Variants in RUFY2 observed in about 807,000 individuals in gnomAD.
The protein encoded by RUFY2 is RUN and FYVE domain containing 2, also known as RUN and FYVE domain-containing protein 2.
RUFY2 carries 49 observed loss-of-function variants against 94.4 expected under a neutral mutation model. That is an observed-to-expected ratio of 0.52 (90% CI 0.41 to 0.66). The LOEUF (loss-of-function observed/expected upper bound fraction) is 0.66. RUFY2 is among the 30% of genes least tolerant of loss of function. The pLI is 0.00. For synonymous variants in RUFY2, 255 were observed against 235.7 expected (o/e 1.08, Z -0.75); for missense variants, 541 against 692.8 (o/e 0.78, Z 2.46).
chr10:68,404,470 A>G (rs1382746273), intron 2 of RUFY2, among the ~76,000 whole-genome samples: 3 of 152,246 alleles, frequency 2.0e-5, no homozygotes, highest in Non-Finnish European at 2.9e-5. Flanking sequence ...CAAAATATTA[A>G]CAATTAAGCA....
intron 16 of RUFY2, among the ~76,000 whole-genome samples, chr10:68,354,619 C>G (rs780967607): frequency 1.3e-5 from 2 of 152,198 alleles, no homozygotes; most frequent in Non-Finnish European, 2.9e-5. Flanking sequence ...ACCACTTTCA[C>G]ACACATGTAT....
At chr10:68,349,586 T>G (rs1341755682) in intron 16 of RUFY2, among the ~76,000 whole-genome samples, 2 of 152,102 alleles carry the variant, frequency 1.3e-5, no homozygotes, top group East Asian at 3.9e-4. Context: ...TCACCCAGGC[T>G]GGAGTGCAGT....
chr10:68,377,087 A>C, intron 12 of RUFY2, 115 bp from the exon 13 acceptor site: 1 of 1,537,238 alleles, frequency 6.5e-7, no homozygotes, highest in South Asian at 1.2e-5. Flanking sequence ...AAATGAAAAC[A>C]AAGTTTGGGG....
chr10:68,370,451 T>C (rs2048183787), intron 13 of RUFY2, among the ~76,000 whole-genome samples: 1 of 142,754 alleles, frequency 7.0e-6, no homozygotes, highest in South Asian at 2.2e-4. Flanking sequence ...CTTTTTTCTT[T>C]TTTTTTTTTT....
intron 15 of RUFY2, among the ~76,000 whole-genome samples, chr10:68,359,486 ATAG>A (rs200509587): frequency 0.036 from 5,250 of 146,148 alleles, 295 homozygotes; most frequent in African/African-American, 0.12. Context: ...AAAAATATAT[ATAG>A]TAGTACTACT....
At chr10:68,366,767 A>T (rs61857318) in intron 13 of RUFY2, among the ~76,000 whole-genome samples, 2 of 122,036 alleles carry the variant, frequency 1.6e-5, no homozygotes, top group South Asian at 6.1e-4. Context: ...TATAATATTA[A>T]ATATATTAAA....
intron 13 of RUFY2, 98 bp from the exon 14 acceptor site, chr10:68,364,211 G>T: frequency 8.3e-7 from 1 of 1,210,824 alleles, no homozygotes; most frequent in Non-Finnish European, 1.1e-6. Flanking sequence ...TTATTACTTT[G>T]GCCTTTGTAA....
chr10:68,401,600 CAAGT>C lies in RUFY2; in HGVS notation c.296+16_296+19del. The C allele has an allele frequency of 6.9e-7, 1 of 1,447,498 alleles. No homozygotes were observed. The allele number at this position is 1,447,498 out of a possible 1,614,324, so 89.7% of individuals were successfully genotyped here. A position where few individuals can be genotyped will look rare whatever the true frequency, so the allele number is the denominator to read the frequency against. On this transcript the variant is annotated intron_variant, in intron 3 of 17. Coordinates refer to ENST00000602465, the MANE Select transcript of RUFY2 (RefSeq NM_001330103.2). Reference sequence around the variant, plus strand: ...ATACACTTCTGTGGCTAGGGATGAACAAGTAATAGGCCTCCTTACTTCAGACCAG... The same window carrying C: ...ATACACTTCTGTGGCTAGGGATGAACAATAGGCCTCCTTACTTCAGACCAG...
At chr10:68,388,755 G>C (rs1045082976) in intron 7 of RUFY2, among the ~76,000 whole-genome samples, 2 of 149,618 alleles carry the variant, frequency 1.3e-5, no homozygotes, top group African/African-American at 4.9e-5. Flanking sequence ...AGGATCGCTT[G>C]AGCCTGGGAG....
In RUFY2 at chr10:68,407,247, T is replaced by TCGGCCTGTCCAGCAGCTCCC; in HGVS notation, c.-59_-58insGGGAGCTGCTGGACAGGCCG. ...CTCCCTCGGCCTGTCCAGCAGCTCC[T>TCGGCCTGTCCAGCAGCTCCC]TCCAGGCGCTCGGCGGCCACCACCG... On this transcript the variant is annotated 5_prime_UTR_variant, in exon 1 of 18. Transcript: ENST00000602465. The TCGGCCTGTCCAGCAGCTCCC allele has an allele frequency of 7.8e-7, 1 of 1,277,572 alleles. No individual in the cohort carries two copies. Among genetic ancestry groups the TCGGCCTGTCCAGCAGCTCCC allele is most frequent in the East Asian group, 3.2e-5 (1 of 31,362 alleles). 79.1% of individuals were successfully genotyped at this position (1,277,572 alleles called of 1,614,324 possible).
chr10:68,403,002 C>A (rs1224885051), intron 2 of RUFY2, among the ~76,000 whole-genome samples: 1 of 150,592 alleles, frequency 6.6e-6, no homozygotes, highest in African/African-American at 2.4e-5. Context: ...TGCAGCACCA[C>A]ACCCAGCTAA....
chr10:68,392,476 A>C (rs1342106643), intron 7 of RUFY2, among the ~76,000 whole-genome samples: 1 of 152,236 alleles, frequency 6.6e-6, no homozygotes, highest in African/African-American at 2.4e-5. Context: ...AAGATGACAG[A>C]CAGCCACATT....
chr10:68,401,784 G>C (rs371186715), intron 2 of RUFY2, 47 bp from the exon 3 acceptor site: 1 of 1,056,244 alleles, frequency 9.5e-7, no homozygotes, highest in African/African-American at 1.6e-5. Flanking sequence ...ATAAAAAACT[G>C]TAGTAACTTA....
chr10:68,396,516 T>C (rs2050408138), intron 4 of RUFY2, among the ~76,000 whole-genome samples: 1 of 152,038 alleles, frequency 6.6e-6, no homozygotes, highest in African/African-American at 2.4e-5. Context: ...AAGAAAAAAT[T>C]TTTAAACAAA....
At chr10:68,401,976 T>C (rs867102925) in intron 2 of RUFY2, among the ~76,000 whole-genome samples, 11 of 152,300 alleles carry the variant, frequency 7.2e-5, no homozygotes, top group Middle Eastern at 3.4e-3. Flanking sequence ...ATATCAAATA[T>C]GCAGTAAGGT....
At chr10:68,347,347 C>T (rs2046357872) in intron 16 of RUFY2, among the ~76,000 whole-genome samples, 1 of 130,930 alleles carries the variant, frequency 7.6e-6, no homozygotes, top group African/African-American at 2.9e-5. Context: ...TGCAGTGGTG[C>T]AGTCTCAGCT....
At chr10:68,377,133 A>C in intron 12 of RUFY2, 161 bp from the exon 13 acceptor site, 1 of 1,494,022 alleles carries the variant, frequency 6.7e-7, no homozygotes. Context: ...AGAGCCACAC[A>C]ATGTCTAGAA....
intron 15 of RUFY2, among the ~76,000 whole-genome samples, chr10:68,363,325 C>T (rs1040885636): frequency 2.6e-5 from 4 of 152,104 alleles, no homozygotes; most frequent in African/African-American, 4.8e-5. Context: ...TACAGGCACA[C>T]GCCACCACAA....
Position 68,381,485 on chromosome 10 carries a change from T to C in RUFY2, c.940-86A>G, listed in dbSNP as rs1298611920. On this transcript the variant is annotated intron_variant, in intron 10 of 17. Transcript: ENST00000602465. ...TTTAAGAAAGATTTTCCATTCAATATGCAGACTACACCTTTTAAGTCCACT... is the reference window on the plus strand; with the variant it reads ...TTTAAGAAAGATTTTCCATTCAATACGCAGACTACACCTTTTAAGTCCACT... 8 of 1,252,544 alleles carry C rather than the reference T, an allele frequency of 6.4e-6. No homozygotes were observed. In the Admixed American group the frequency reaches 1.4e-4, roughly 22 times the overall value. 77.6% of individuals were successfully genotyped at this position (1,252,544 alleles called of 1,614,324 possible). A position where few individuals can be genotyped will look rare whatever the true frequency, so the allele number is the denominator to read the frequency against.
Sources: gnomAD v4.1 joint callset for allele counts (sites outside exome capture counted in the v4.1 genomes callset) on GRCh38, gnomAD v4.1.1 for gene constraint, MANE v1.5 for transcripts, NCBI Gene and HGNC (gene_info 2026-07-23, HGNC 2026-07-21) for gene names.